The following LRRC37A2 variants were observed in gnomAD, a reference collection of about 807,000 sequenced individuals.
LRRC37A2 encodes the protein leucine-rich repeat-containing protein 37A2.
In LRRC37A2, 9 loss-of-function variants were observed where a neutral mutation model predicts 68.8. The ratio of observed to expected loss-of-function variants is 0.13; its 90% CI spans 0.08 to 0.23. LRRC37A2 has a LOEUF of 0.23. Among genes scored for constraint, LRRC37A2 ranks in the 10% least tolerant of loss-of-function variants. The pLI is 1.00. For missense variants in LRRC37A2, 168 were observed against 950.4 expected (o/e 0.18, Z 10.82); for synonymous variants, 63 against 367.6 (o/e 0.17, Z 9.48).
chr17:46,974,987 CTTTTTTT>C, the LRRC37A2 span, among the ~76,000 whole-genome samples: 616 of 119,058 alleles, frequency 5.2e-3, 1 homozygote, highest in Non-Finnish European at 8.4e-3. Flanking sequence ...TTACTATTTT[CTTTTTTT>C]TTTTTTTTTT....
At chr17:46,771,433 T>C in the LRRC37A2 span, among the ~76,000 whole-genome samples, 2 of 150,632 alleles carry the variant, frequency 1.3e-5, no homozygotes, top group East Asian at 2.0e-4. Flanking sequence ...GCCTGCGGCC[T>C]CTCGCGGCGG....
chr17:47,043,798 G>T, the LRRC37A2 span, among the ~76,000 whole-genome samples: 1 of 137,936 alleles, frequency 7.2e-6, no homozygotes, highest in Non-Finnish European at 1.6e-5. Flanking sequence ...CTATCAGTTT[G>T]GGAGGCTGAG....
At chr17:46,502,923 G>C in the LRRC37A2 span, among the ~76,000 whole-genome samples, 1 of 150,520 alleles carries the variant, frequency 6.6e-6, no homozygotes, top group Non-Finnish European at 1.5e-5. Flanking sequence ...TTAAAAATTA[G>C]TCTTCATTGC....
chr17:46,872,397 C>T, the LRRC37A2 span: 23 of 1,348,524 alleles, frequency 1.7e-5, no homozygotes, highest in Middle Eastern at 2.9e-4. Context: ...GGACCTCCAG[C>T]GGGTCAGCCT....
the LRRC37A2 span, among the ~76,000 whole-genome samples, chr17:46,787,069 C>G: frequency 6.6e-6 from 1 of 152,076 alleles, no homozygotes; most frequent in East Asian, 1.9e-4. Context: ...TCCTGAGTAG[C>G]TGAGACTACA....
the LRRC37A2 span, among the ~76,000 whole-genome samples, chr17:47,012,350 A>G: frequency 2.6e-5 from 4 of 152,320 alleles, no homozygotes; most frequent in East Asian, 7.7e-4. Flanking sequence ...ATATGACACC[A>G]AAAGCACATG....
chr17:46,754,512 A>T, the LRRC37A2 span, among the ~76,000 whole-genome samples: 11 of 152,224 alleles, frequency 7.2e-5, no homozygotes, highest in Admixed American at 7.2e-4. Flanking sequence ...TTACAATAAA[A>T]ATTCATCTTC....
chr17:47,029,526 C>T, the LRRC37A2 span, among the ~76,000 whole-genome samples: 20 of 152,264 alleles, frequency 1.3e-4, no homozygotes, highest in East Asian at 1.9e-3. Flanking sequence ...CAGTTCACTT[C>T]GAGATAGAGG....
chr17:46,913,161 T>C, the LRRC37A2 span, among the ~76,000 whole-genome samples: 2 of 152,250 alleles, frequency 1.3e-5, no homozygotes, highest in African/African-American at 4.8e-5. Flanking sequence ...AGGGCAGTTT[T>C]TAATCGCCTA....
the LRRC37A2 span, among the ~76,000 whole-genome samples, chr17:46,718,978 A>T: frequency 6.6e-6 from 1 of 152,200 alleles, no homozygotes; most frequent in African/African-American, 2.4e-5. Flanking sequence ...TAGGTAAAAA[A>T]TGCTCTTGGT....
chr17:46,980,220 A>G, the LRRC37A2 span, among the ~76,000 whole-genome samples: 2 of 151,806 alleles, frequency 1.3e-5, no homozygotes, highest in Non-Finnish European at 2.9e-5. Flanking sequence ...ACTGAGCTAC[A>G]ACATCATTTT....
the LRRC37A2 span, among the ~76,000 whole-genome samples, chr17:46,814,979 G>A: frequency 6.6e-6 from 1 of 152,192 alleles, no homozygotes; most frequent in Non-Finnish European, 1.5e-5. Flanking sequence ...CACCCAAGCT[G>A]TGAGGCAGGG....
chr17:46,622,612 C>T, the LRRC37A2 span, among the ~76,000 whole-genome samples: 3 of 144,734 alleles, frequency 2.1e-5, no homozygotes, highest in Admixed American at 6.9e-5. Flanking sequence ...ATGAAACCCC[C>T]GACTCTACCA....
chr17:46,786,412 G>A, the LRRC37A2 span, among the ~76,000 whole-genome samples: 1 of 152,230 alleles, frequency 6.6e-6, no homozygotes, highest in South Asian at 2.1e-4. Context: ...TTCAGGCAGG[G>A]GATTCACAGG....
At chr17:46,377,571 CTTT>C in the LRRC37A2 span, among the ~76,000 whole-genome samples, 3 of 38,732 alleles carry the variant, frequency 7.7e-5, no homozygotes, top group Admixed American at 4.0e-4. Context: ...ATCACTGGAT[CTTT>C]TTTTTTTTTT....
the LRRC37A2 span, chr17:47,018,759 C>G: frequency 6.6e-7 from 1 of 1,521,126 alleles, no homozygotes; most frequent in Non-Finnish European, 9.1e-7. Flanking sequence ...AGCTCAGACT[C>G]CAGAGTTTCC....
At chr17:46,840,357 A>AT in the LRRC37A2 span, among the ~76,000 whole-genome samples, 138 of 152,292 alleles carry the variant, frequency 9.1e-4, 2 homozygotes, top group African/African-American at 3.2e-3. Context: ...AAGTGCTGGG[A>AT]TTACAGGCGC....
chr17:47,008,306 T>C, the LRRC37A2 span, among the ~76,000 whole-genome samples: 2 of 151,168 alleles, frequency 1.3e-5, no homozygotes, highest in East Asian at 3.9e-4. Flanking sequence ...AGAGACGGGG[T>C]TTCACCGTGT....
At chr17:46,752,452 T>TCA in the LRRC37A2 span, among the ~76,000 whole-genome samples, 308 of 151,746 alleles carry the variant, frequency 2.0e-3, no homozygotes, top group Non-Finnish European at 3.7e-3. Context: ...CAGTAAACTT[T>TCA]TATTATTATT....
Sources: gnomAD v4.1 joint callset for allele counts (sites outside exome capture counted in the v4.1 genomes callset) on GRCh38, gnomAD v4.1.1 for gene constraint, MANE v1.5 for transcripts, NCBI Gene and HGNC (gene_info 2026-07-23, HGNC 2026-07-21) for gene names.